ZDBF2: variants seen among roughly 807,000 people sequenced by gnomAD.
ZDBF2 encodes the protein zinc finger DBF-type containing 2.
ZDBF2 carries 6 observed loss-of-function variants against 9.4 expected under a neutral mutation model. That is an observed-to-expected ratio of 0.64 (90% confidence interval 0.35 to 1.27). The LOEUF (loss-of-function observed/expected upper bound fraction) is 1.27, where lower values mean the gene tolerates loss of function less well. Among genes scored for constraint, ZDBF2 ranks in the 50% most tolerant of loss-of-function variants. The probability of loss-of-function intolerance (pLI) is 0.03; values close to 1 mark genes in which losing one functional copy is unlikely to be tolerated. For synonymous variants in ZDBF2, 905 were observed against 946.3 expected, an observed-to-expected ratio of 0.96 and a Z score of 0.80; for missense variants, 2,697 against 2,766.8, an observed-to-expected ratio of 0.97 and a Z score of 0.57.
rs774055459 is a variant in ZDBF2 at position 206,311,523 on chromosome 2, C to T, written c.6995C>T (p.Ser2332Phe). 1 of 1,570,500 alleles carries T rather than the reference C, an allele frequency of 6.4e-7. No individual in the cohort carries two copies. The highest frequency in any genetic ancestry group is 2.0e-5 in the Admixed American group (1 of 49,600). ...PVRAYDLRSSSCLQQRERMMT... is the reference protein window; with the variant it reads ...PVRAYDLRSSFCLQQRERMMT... ...AGAGCATATGATCTGAGAAGCTCAT[C>T]TTGTTTACAACAACGTGAGAGAATG... Residue 2332 changes from serine (S) to phenylalanine (F), a missense_variant, in exon 5 of 5, where the codon TCT (serine) becomes TTT (phenylalanine). Transcript: ENST00000374423.
chr2:206,302,024 G>A (rs1212246491), intron 4 of ZDBF2, among the ~76,000 whole-genome samples: 1 of 146,146 alleles, frequency 6.8e-6, no homozygotes, highest in African/African-American at 2.5e-5. Flanking sequence ...GCTGTTTTTT[G>A]TTCGTTTGTA....
intron 3 of ZDBF2, 137 bp from the exon 4 acceptor site, chr2:206,297,109 G>A: frequency 4.1e-6 from 2 of 483,894 alleles, no homozygotes; most frequent in Non-Finnish European, 3.6e-6. Flanking sequence ...GTTTTTAGAT[G>A]CAAATTTCAG....
At chr2:206,285,866 A>G (rs983226653) in intron 3 of ZDBF2, among the ~76,000 whole-genome samples, 5 of 152,132 alleles carry the variant, frequency 3.3e-5, no homozygotes, top group African/African-American at 1.2e-4. Context: ...TTCTGCATAT[A>G]GATATCCAGT....
Position 206,311,018 on chromosome 2 carries a change from A to C in ZDBF2, c.6490A>C (p.Arg2164=). Residue 2164 remains arginine, a synonymous_variant, in exon 5 of 5, where the codon AGA becomes CGA. Coordinates refer to ENST00000374423, the MANE Select transcript of ZDBF2 (RefSeq NM_020923.3). ...TGTCAAAATCTCTCCAAAATCAGTT[A>C]GAAATAAGCTTTTGGAAAGTCAAAG... The part of the protein sequence containing the change: ...DVVKISPKSV[R]NKLLESQSKK... The C allele has an allele frequency of 6.2e-7, 1 of 1,610,496 alleles. No individual in the cohort carries two copies. Among genetic ancestry groups the C allele is most frequent in the Non-Finnish European group, 8.5e-7 (1 of 1,179,148 alleles).
rs749561101 is a variant in ZDBF2 at position 206,305,946 on chromosome 2, G to C, written c.1418G>C (p.Ser473Thr). ...NQSQMIVKEI[S>T]LQNARHISLV... ...TCCCAAATGATTGTTAAAGAAATAA[G>C]TCTTCAGAATGCAAGGCATATTAGC... The change falls in exon 5 of 5, where the codon AGT becomes ACT. Residue 473 changes from serine (S) to threonine (T), a missense_variant. Ser to Thr is a moderately conservative substitution (Grantham distance 58, BLOSUM62 1). This residue lies in a region of ZDBF2 where 910 missense variants were observed against 973.6 expected (regional missense o/e 0.93). Transcript: ENST00000374423. 6.2e-7 allele frequency: 1 copy of C among 1,613,304 alleles called. No homozygotes were observed. The highest frequency in any genetic ancestry group is 1.1e-5 in the South Asian group (1 of 91,022).
At chr2:206,285,395 T>G (rs1431084249) in intron 3 of ZDBF2, among the ~76,000 whole-genome samples, 1 of 152,204 alleles carries the variant, frequency 6.6e-6, no homozygotes, top group Admixed American at 6.5e-5. Context: ...CCTTGATGAT[T>G]AGTGATGTTG....
chr2:206,282,461 T>G (rs1032695247), intron 3 of ZDBF2, among the ~76,000 whole-genome samples: 1 of 152,192 alleles, frequency 6.6e-6, no homozygotes, highest in African/African-American at 2.4e-5. Context: ...GTATATGGGC[T>G]TGTTTGTTAC....
Position 206,308,804 on chromosome 2 carries a change from T to C in ZDBF2, c.4276T>C (p.Ser1426Pro), listed in dbSNP as rs1692969931. 1.2e-6 allele frequency: 2 copies of C among 1,613,782 alleles called. No individual in the cohort carries two copies. The highest frequency in any genetic ancestry group is 1.7e-6 in the Non-Finnish European group (2 of 1,179,852). Residue 1426 changes from serine to proline, a missense_variant, in exon 5 of 5, where the codon TCT becomes CCT. By Grantham distance (74) the Ser-to-Pro change is moderately conservative. Transcript: ENST00000374423. ...IPVQFVTDQS[S>P]VPVKEINLQK... is the part of the protein sequence containing the mutation. ...TGTTCAGTTTGTGACTGATCAATCT[T>C]CTGTACCTGTCAAAGAAATAAACTT... is the stretch of plus-strand genomic sequence containing the variant.
Position 206,306,808 on chromosome 2 carries a change from A to T in ZDBF2, c.2280A>T (p.Ser760=). ...TTGATTCTGACCCGCCTCTTCTGTC[A>T]GTTACTGAGCAGTCTCATCTGGATG... is the stretch of plus-strand genomic sequence containing the variant. The part of the protein sequence containing the change: ...LTFDSDPPLL[S]VTEQSHLDAE... Residue 760 remains serine, a synonymous_variant, in exon 5 of 5, where the codon TCA becomes TCT. Transcript: ENST00000374423. The T allele has an allele frequency of 6.2e-7, 1 of 1,613,890 alleles. No homozygotes were observed. The highest frequency in any genetic ancestry group is 1.7e-5 in the Admixed American group (1 of 60,016).
At chr2:206,297,628 A>G (rs561038485) in intron 4 of ZDBF2, among the ~76,000 whole-genome samples, 1 of 152,250 alleles carries the variant, frequency 6.6e-6, no homozygotes, top group Non-Finnish European at 1.5e-5. Context: ...AAGATGTTTT[A>G]TAAGTATGTT....
intron 3 of ZDBF2, among the ~76,000 whole-genome samples, chr2:206,287,300 G>GA (rs1304701299): frequency 6.6e-6 from 1 of 152,152 alleles, no homozygotes; most frequent in Non-Finnish European, 1.5e-5. Flanking sequence ...GTTTCTCTGG[G>GA]AAAGACTTGA....
At position 206,306,066 on chromosome 2, in the gene ZDBF2, T is replaced by C. The variant is rs1023782153; in HGVS notation, c.1538T>C (p.Val513Ala). 1 of 1,613,840 alleles carries C rather than the reference T, an allele frequency of 6.2e-7. No homozygotes were observed. The highest frequency in any genetic ancestry group is 1.3e-5 in the African/African-American group (1 of 75,052). ...QSTSDYPQQS[V>A]TEVNLPKEVH... ...ACTAGTGACTACCCCCAACAATCTG[T>C]AACAGAAGTAAACCTTCCTAAGGAA... is the stretch of plus-strand genomic sequence containing the variant. The change falls in exon 5 of 5, where the codon GTA becomes GCA. Residue 513 changes from valine (V) to alanine (A), a missense_variant. Physicochemically the swap from Val to Ala is moderately conservative, Grantham distance 64. Coordinates refer to ENST00000374423, the MANE Select transcript of ZDBF2 (RefSeq NM_020923.3).
At position 206,306,636 on chromosome 2, in the gene ZDBF2, GTTC is replaced by G. The variant is rs1574417767; in HGVS notation, c.2113_2115del (p.Ser705del). ...GAGAATAAGAGTGTTCAGTCTAGCC[GTTC>G]TTCTCTGAGTTCTGATTCTCCGGCT... On this transcript the variant is annotated inframe_deletion, in exon 5 of 5. Coordinates refer to ENST00000374423, the MANE Select transcript of ZDBF2 (RefSeq NM_020923.3). The G allele has an allele frequency of 1.9e-6, 3 of 1,613,662 alleles. No individual in the cohort carries two copies. Among genetic ancestry groups the G allele is most frequent in the East Asian group, 2.2e-5 (1 of 44,874 alleles).
Position 206,274,775 on chromosome 2 carries a change from G to C in ZDBF2, c.-274G>C, listed in dbSNP as rs1196802870. ...GCTCCCGCGCCGCTTCTCGCCTCCG[G>C]ACCGCAGGGGCCGAAGTCGCCTATT... is the stretch of plus-strand genomic sequence containing the variant. On this transcript the variant is annotated 5_prime_UTR_variant, in exon 1 of 5. Coordinates refer to ENST00000374423, the MANE Select transcript of ZDBF2 (RefSeq NM_020923.3). The C allele has an allele frequency of 6.6e-6, 1 of 152,192 alleles. No homozygotes were observed. The highest frequency in any genetic ancestry group is 1.5e-5 in the Non-Finnish European group (1 of 68,022). The allele number at this position is 152,192 out of a possible 1,614,324, so 9.4% of individuals were successfully genotyped here.
intron 3 of ZDBF2, among the ~76,000 whole-genome samples, chr2:206,285,908 C>G (rs1449041007): frequency 1.3e-5 from 2 of 152,180 alleles, no homozygotes; most frequent in African/African-American, 4.8e-5. Context: ...AGAAGCTGTT[C>G]TTTCCCCCAA....
Position 206,311,623 on chromosome 2 carries a change from G to A in ZDBF2, c.*30G>A. Reference sequence around the variant, plus strand: ...TGGTTTTGTGTTCAGGCTAGTTGAGGATTCAGTACTTCAGTTGAAATATAT... The same window carrying A: ...TGGTTTTGTGTTCAGGCTAGTTGAGAATTCAGTACTTCAGTTGAAATATAT... On this transcript the variant is annotated 3_prime_UTR_variant, in exon 5 of 5. Coordinates refer to ENST00000374423, the MANE Select transcript of ZDBF2 (RefSeq NM_020923.3). 7.0e-6 allele frequency: 10 copies of A among 1,435,254 alleles called. No individual in the cohort carries two copies. The highest frequency in any genetic ancestry group is 9.2e-6 in the Non-Finnish European group (10 of 1,090,818). 88.9% of individuals were successfully genotyped at this position (1,435,254 alleles called of 1,614,324 possible).
chr2:206,278,172 A>G (rs1263566332), intron 1 of ZDBF2, among the ~76,000 whole-genome samples: 1 of 152,180 alleles, frequency 6.6e-6, no homozygotes, highest in Non-Finnish European at 1.5e-5. Context: ...GCTGATTTTT[A>G]TGCTCTTTAT....
intron 3 of ZDBF2, among the ~76,000 whole-genome samples, chr2:206,290,625 T>G (rs895855947): frequency 1.3e-5 from 2 of 152,218 alleles, no homozygotes; most frequent in South Asian, 2.1e-4. Flanking sequence ...ATGGAATTGT[T>G]TTCTTAAGTT....
Position 206,310,698 on chromosome 2 carries a change from T to C in ZDBF2, c.6170T>C (p.Ile2057Thr). The C allele has an allele frequency of 6.2e-7, 1 of 1,613,454 alleles. No homozygotes were observed. The highest frequency in any genetic ancestry group is 1.3e-5 in the African/African-American group (1 of 75,038). ...RNIFDYYEPL[I>T]KQIVISPPLS... ...ATCTTTGATTATTATGAGCCCTTGA[T>C]TAAGCAAATTGTAATTAGTCCTCCC... The change falls in exon 5 of 5, where the codon ATT becomes ACT. Residue 2057 changes from isoleucine (I) to threonine (T), a missense_variant. By Grantham distance (89) the Ile-to-Thr change is moderately conservative. Around this residue, in one of 3 missense-constraint regions of ZDBF2, gnomAD observed 1,783 missense variants for 1,776.5 expected, o/e 1.00. Transcript: ENST00000374423.
Sources: allele counts gnomAD v4.1 joint callset (sites outside exome capture counted in the v4.1 genomes callset), GRCh38; gene constraint gnomAD v4.1.1; regional missense constraint gnomAD v4.1.1; transcripts MANE v1.5; gene names NCBI Gene and HGNC (gene_info 2026-07-23, HGNC 2026-07-21).